The following TRIM45 variants were observed in gnomAD, a reference collection of about 807,000 sequenced individuals.
TRIM45 encodes the protein tripartite motif containing 45.
TRIM45 carries 45 observed loss-of-function variants against 46.7 expected under a neutral mutation model. The observed-to-expected ratio is 0.96, with a 90% CI of 0.76 to 1.24. The LOEUF (loss-of-function observed/expected upper bound fraction) is 1.24, where lower values mean the gene tolerates loss of function less well. TRIM45 is among the 50% of genes most tolerant of loss of function. The pLI is 0.00. For missense variants in TRIM45, 680 were observed against 728.4 expected, an observed-to-expected ratio of 0.93 and a Z score of 0.77; for synonymous variants, 259 against 285.8, an observed-to-expected ratio of 0.91 and a Z score of 0.94.
chr1:117,119,553 G>A (rs951619177), intron 1 of TRIM45, among the ~76,000 whole-genome samples: 2 of 152,112 alleles, frequency 1.3e-5, no homozygotes, highest in African/African-American at 4.8e-5. Flanking sequence ...GTTGCAGTGA[G>A]TGGAGATTGT....
rs1650240430 is a variant in TRIM45 at position 117,112,237 on chromosome 1, A to G, written c.*68T>C. 2 of 1,414,154 alleles carry G rather than the reference A, an allele frequency of 1.4e-6. No homozygotes were observed. The highest frequency in any genetic ancestry group is 2.6e-5 in the Admixed American group (1 of 38,254). 87.6% of individuals were successfully genotyped at this position (1,414,154 alleles called of 1,614,324 possible). ...TCTATCAGTCTCTTTAGAATGAACG[A>G]AGGTCTGGGTCCTCTGGAAATCTCA... On this transcript the variant is annotated 3_prime_UTR_variant, in exon 6 of 6. Transcript: ENST00000256649.
chr1:117,119,785 A>C (rs1000399040), intron 1 of TRIM45, among the ~76,000 whole-genome samples: 1 of 152,168 alleles, frequency 6.6e-6, no homozygotes, highest in African/African-American at 2.4e-5. Flanking sequence ...TTATATGCCT[A>C]TTCTGGCACC....
In TRIM45 at chr1:117,118,282, C is replaced by T. The variant is rs761882470; in HGVS notation, c.974G>A (p.Arg325Gln). The part of the protein sequence containing the change: ...AQLEQLLADM[R>Q]TGVEFTEHLL... ...GTGCTCGGTGAACTCCACTCCAGTC[C>T]GCATGTCTGCCAGTAACTGTTCCAG... The change falls in exon 2 of 6, where the codon CGG (arginine) becomes CAG (glutamine). Residue 325 changes from arginine to glutamine, a missense_variant. By Grantham distance (43) the Arg-to-Gln change is conservative. Around this residue, in one of 3 missense-constraint regions of TRIM45, gnomAD observed 322 missense variants for 359.3 expected, o/e 0.90. Transcript: ENST00000256649. The surrounding 1 kb of genome is among the most constrained non-coding windows in gnomAD (Gnocchi z 5.7). The T allele has an allele frequency of 1.5e-5, 24 of 1,614,036 alleles. No homozygotes were observed. Among genetic ancestry groups the T allele is most frequent in the South Asian group, 8.8e-5 (8 of 91,080 alleles).
At chr1:117,119,996 T>A (rs1375298591) in intron 1 of TRIM45, among the ~76,000 whole-genome samples, 6 of 152,194 alleles carry the variant, frequency 3.9e-5, no homozygotes, top group Non-Finnish European at 7.3e-5. Flanking sequence ...TATATTCTGG[T>A]GTCCTAGGAT....
chr1:117,122,100 G>A (rs1650672271), upstream of TRIM45: 2 of 368,824 alleles, frequency 5.4e-6, no homozygotes, highest in Non-Finnish European at 9.8e-6. Context: ...ATTTGGCGCC[G>A]GGACGGCCTT....
Position 117,113,399 on chromosome 1 carries a change from GC to G in TRIM45, c.1553del (p.Gly518AlafsTer18). 6.2e-7 allele frequency: 1 copy of G among 1,612,300 alleles called. No individual in the cohort carries two copies. Among genetic ancestry groups the G allele is most frequent in the Non-Finnish European group, 8.5e-7 (1 of 1,179,922 alleles). ...CACAGGCGCAGCGAGCGGTTTTCTG[GC>G]CCCCGCTGGAGCAGAAGGTGCAGCA... ...FHCCTFCSSG[G>X]QKTARCACGG... On this transcript the variant is annotated frameshift_variant, in exon 5 of 6. Coordinates refer to ENST00000256649, the MANE Select transcript of TRIM45 (RefSeq NM_025188.4). LOFTEE classifies it high-confidence loss of function. The surrounding 1 kb of genome is among the most constrained non-coding windows in gnomAD (Gnocchi z 4.0).
chr1:117,115,754 C>A lies in TRIM45; in HGVS notation c.1353-65G>T. ...AAGCTGGCTTCAGTTGCTACTATTT[C>A]AGAATGTAAACTCTACACCATCCCA... On this transcript the variant is annotated intron_variant, in intron 3 of 5. Transcript: ENST00000256649. The surrounding 1 kb of genome is among the most constrained non-coding windows in gnomAD (Gnocchi z 4.2). 9.0e-7 allele frequency: 1 copy of A among 1,105,164 alleles called. No homozygotes were observed. The highest frequency in any genetic ancestry group is 1.4e-6 in the Non-Finnish European group (1 of 720,002). 68.5% of individuals were successfully genotyped at this position (1,105,164 alleles called of 1,614,324 possible). A position where few individuals can be genotyped will look rare whatever the true frequency, so the allele number is the denominator to read the frequency against.
In TRIM45 at chr1:117,116,189, A is replaced by G. The variant is rs373963676; in HGVS notation, c.1352+427T>C. Among the ~76,000 whole-genome samples the G allele has an allele frequency of 7.2e-5, 11 of 152,258 alleles. No homozygotes were observed. The highest frequency in any genetic ancestry group is 2.4e-4 in the African/African-American group (10 of 41,558). On this transcript the variant is annotated intron_variant, in intron 3 of 5. Transcript: ENST00000256649. This position sits in a 1 kb window ranked among gnomAD's most constrained non-coding sequence, Gnocchi z 4.6. ...CACATTTGGTCACGTAACGTTTCAT[A>G]GTATTATGGGGAGGTAAGACGTAAC...
At chr1:117,122,581 G>A (rs1218525431), upstream of TRIM45, 1 of 152,276 alleles carries the variant, frequency 6.6e-6, no homozygotes, top group Non-Finnish European at 1.5e-5. Flanking sequence ...CCACAGTCCT[G>A]TGTAACAGAA....
intron 5 of TRIM45, 68 bp from the exon 6 acceptor site, chr1:117,112,521 A>G (rs552115901): frequency 2.4e-5 from 35 of 1,439,428 alleles, no homozygotes; most frequent in Non-Finnish European, 3.0e-5. Flanking sequence ...TACCATTATC[A>G]TGGAAATTAG....
rs759288759 is a variant in TRIM45 at position 117,118,319 on chromosome 1, G to A, written c.937C>T (p.Gln313Ter). The change falls in exon 2 of 6, where the codon CAG becomes TAG. Residue 313 changes from glutamine (Q) to a stop codon, truncating the protein, a stop_gained. Coordinates refer to ENST00000256649, the MANE Select transcript of TRIM45 (RefSeq NM_025188.4). LOFTEE classifies it high-confidence loss of function. This position sits in a 1 kb window ranked among gnomAD's most constrained non-coding sequence, Gnocchi z 5.7. ...AGTAACTGTTCCAGCTGGGCCTTCTGCAGCTGCAGGGAATTTTCCTTCTGG... is the reference window on the plus strand; with the variant it reads ...AGTAACTGTTCCAGCTGGGCCTTCTACAGCTGCAGGGAATTTTCCTTCTGG... ...RAQKENSLQL[Q>*]KAQLEQLLAD... 1.2e-6 allele frequency: 2 copies of A among 1,614,126 alleles called. No individual in the cohort carries two copies. Among genetic ancestry groups the A allele is most frequent in the Non-Finnish European group, 1.7e-6 (2 of 1,180,020 alleles).
At position 117,111,259 on chromosome 1, in the gene TRIM45, T is replaced by C. The variant is rs114050025; in HGVS notation, c.*1046A>G. ...GAGTCAAAGCTCCCAGTTAACTTTCTAGGTATATAGATAACAGTGAAGACT... is the reference window on the plus strand; with the variant it reads ...GAGTCAAAGCTCCCAGTTAACTTTCCAGGTATATAGATAACAGTGAAGACT... On this transcript the variant is annotated 3_prime_UTR_variant, in exon 6 of 6. Coordinates refer to ENST00000256649, the MANE Select transcript of TRIM45 (RefSeq NM_025188.4). The C allele has an allele frequency of 6.6e-6, 1 of 152,318 alleles. No homozygotes were observed. The highest frequency in any genetic ancestry group is 2.4e-5 in the African/African-American group (1 of 41,564). The allele number at this position is 152,318 out of a possible 1,614,324, so 9.4% of individuals were successfully genotyped here. A position where few individuals can be genotyped will look rare whatever the true frequency, so the allele number is the denominator to read the frequency against.
rs1474379577 is a variant in TRIM45 at position 117,117,377 on chromosome 1, A to C, written c.1223-632T>G. 2.0e-5 allele frequency among the ~76,000 whole-genome samples: 3 copies of C among 152,200 alleles called. No individual in the cohort carries two copies. The highest frequency in any genetic ancestry group is 7.2e-5 in the African/African-American group (3 of 41,442). ...TGTAGGAGAGAACATTCTCAAAGAG[A>C]TCTATGGCTTCCAAACAGTTAAGAA... is the stretch of plus-strand genomic sequence containing the variant. On this transcript the variant is annotated intron_variant, in intron 2 of 5. Transcript: ENST00000256649. This position sits in a 1 kb window ranked among gnomAD's most constrained non-coding sequence, Gnocchi z 4.9.
chr1:117,114,514 T>A (rs145982585), intron 4 of TRIM45, among the ~76,000 whole-genome samples: 108 of 152,354 alleles, frequency 7.1e-4, no homozygotes, highest in African/African-American at 2.5e-3. Context: ...AGAGCCACAT[T>A]GTTTGCGAAA....
At chr1:117,120,675 T>C in intron 1 of TRIM45, 39 bp downstream of exon 1, 1 of 1,542,494 alleles carries the variant, frequency 6.5e-7, no homozygotes, top group Middle Eastern at 1.8e-4. Context: ...CTTTGTAATC[T>C]GCTCTTAAGC....
chr1:117,116,691 T>C lies in TRIM45; in HGVS notation c.1277A>G (p.Asp426Gly). The C allele has an allele frequency of 6.2e-7, 1 of 1,614,136 alleles. No individual in the cohort carries two copies. Among genetic ancestry groups the C allele is most frequent in the Non-Finnish European group, 8.5e-7 (1 of 1,180,020 alleles). ...QTASFTLLCK[D>G]AAGEIMGRGG... ...CCTGCCCATGATTTCTCCTGCGGCA[T>C]CCTTACAAAGCAGGGTGAAAGAGGC... The change falls in exon 3 of 6, where the codon GAT becomes GGT. Residue 426 changes from aspartate to glycine, a missense_variant. Physicochemically the swap from Asp to Gly is moderately conservative, Grantham distance 94 (BLOSUM62 -1). This residue lies in a region of TRIM45 where 322 missense variants were observed against 359.3 expected (regional missense o/e 0.90). Transcript: ENST00000256649. The surrounding 1 kb of genome is among the most constrained non-coding windows in gnomAD (Gnocchi z 4.6).
rs1650437938 is a variant in TRIM45 at position 117,117,344 on chromosome 1, G to A, written c.1223-599C>T. Among the ~76,000 whole-genome samples the A allele has an allele frequency of 6.6e-6, 1 of 152,128 alleles. No individual in the cohort carries two copies. Among genetic ancestry groups the A allele is most frequent in the East Asian group, 1.9e-4 (1 of 5,192 alleles). ...CTGGAATTGTATGCACAAGTTACTG[G>A]GTGTTTCTGTAGGAGAGAACATTCT... is the stretch of plus-strand genomic sequence containing the variant. On this transcript the variant is annotated intron_variant, in intron 2 of 5. Coordinates refer to ENST00000256649, the MANE Select transcript of TRIM45 (RefSeq NM_025188.4). The surrounding 1 kb of genome is among the most constrained non-coding windows in gnomAD (Gnocchi z 4.9).
rs376744553 is a variant in TRIM45, at chr1:117,115,285, C to T, written c.1467+290G>A. Among the ~76,000 whole-genome samples, 3 of 152,052 alleles carry T rather than the reference C, an allele frequency of 2.0e-5. No individual in the cohort carries two copies. Among genetic ancestry groups the T allele is most frequent in the African/African-American group, 7.2e-5 (3 of 41,394 alleles). ...ATGGTTGTCTGCTGGCAGATCACCC[C>T]CTGTGATCAAGACATCTTCTCCATA... On this transcript the variant is annotated intron_variant, in intron 4 of 5. Coordinates refer to ENST00000256649, the MANE Select transcript of TRIM45 (RefSeq NM_025188.4). This position sits in a 1 kb window ranked among gnomAD's most constrained non-coding sequence, Gnocchi z 4.2.
Position 117,120,853 on chromosome 1 carries a change from C to A in TRIM45, c.349G>T (p.Ala117Ser), listed in dbSNP as rs1217849887. ...CTCTCCAGCATCACATCATTCACGGCCAGGTGGTCTATGGTTAAAGCCTTC... is the reference window on the plus strand; with the variant it reads ...CTCTCCAGCATCACATCATTCACGGACAGGTGGTCTATGGTTAAAGCCTTC... ...GVKALTIDHLAVNDVMLESLR... is the reference protein window; with the variant it reads ...GVKALTIDHLSVNDVMLESLR... Residue 117 changes from alanine (A) to serine (S), a missense_variant, in exon 1 of 6, where the codon GCC becomes TCC. Physicochemically the swap from Ala to Ser is moderately conservative, Grantham distance 99. Transcript: ENST00000256649. 1 of 1,614,068 alleles carries A rather than the reference C, an allele frequency of 6.2e-7. No individual in the cohort carries two copies. Among genetic ancestry groups the A allele is most frequent in the African/African-American group, 1.3e-5 (1 of 74,916 alleles).
Sources: allele counts gnomAD v4.1 joint callset (sites outside exome capture counted in the v4.1 genomes callset), GRCh38; gene constraint gnomAD v4.1.1; regional missense constraint gnomAD v4.1.1; non-coding constraint Gnocchi (gnomAD v3.1); transcripts MANE v1.5; gene names NCBI Gene and HGNC (gene_info 2026-07-23, HGNC 2026-07-21).